Variants in ACBD6 observed in about 807,000 individuals in gnomAD.
The protein encoded by ACBD6 is acyl-CoA-binding domain-containing protein 6.
A neutral mutation model predicts 37.2 loss-of-function variants in ACBD6; 28 were observed. That is an observed-to-expected ratio of 0.75 (90% CI 0.56 to 1.03). ACBD6 has a LOEUF of 1.03. ACBD6 is among the 50% of genes least tolerant of loss of function. The pLI is 0.00. For missense variants in ACBD6, 340 were observed against 337.4 expected (o/e 1.01, Z -0.06); for synonymous variants, 113 against 126.8 (o/e 0.89, Z 0.73).
intron 3 of ACBD6, among the ~76,000 whole-genome samples, chr1:180,472,970 G>C (rs1650625616): frequency 6.6e-6 from 1 of 151,958 alleles, no homozygotes. Flanking sequence ...GAATCTAGTA[G>C]AATACTACTG....
At chr1:180,271,905 A>G in exon 14 of ACBD6, 2 of 1,613,628 alleles carry the variant, frequency 1.2e-6, no homozygotes, top group Non-Finnish European at 1.7e-6. Context: ...CGCTGGGGGC[A>G]GTTCTATAAG....
exon 14 of ACBD6, chr1:180,270,929 G>A: frequency 3.9e-6 from 1 of 259,254 alleles, no homozygotes; most frequent in East Asian, 9.7e-5. Context: ...ACATGGCTGT[G>A]GGGAAATGGG....
At chr1:180,388,737 G>C (rs1222794758) in intron 6 of ACBD6, among the ~76,000 whole-genome samples, 1 of 150,836 alleles carries the variant, frequency 6.6e-6, no homozygotes, top group Non-Finnish European at 1.5e-5. Flanking sequence ...CATCATGCCT[G>C]GCCAAAAATT....
chr1:180,336,755 C>T (rs571930719), intron 6 of ACBD6, among the ~76,000 whole-genome samples: 491 of 152,062 alleles, frequency 3.2e-3, no homozygotes, highest in Non-Finnish European at 5.4e-3. Context: ...TGATAGACTG[C>T]TAGCAAGACT....
chr1:180,428,778 T>C (rs1002300800), intron 4 of ACBD6, among the ~76,000 whole-genome samples: 1 of 152,190 alleles, frequency 6.6e-6, no homozygotes, highest in Non-Finnish European at 1.5e-5. Flanking sequence ...AAACTTAAGC[T>C]TAGTAATTTT....
intron 3 of ACBD6, among the ~76,000 whole-genome samples, chr1:180,471,093 G>A (rs1306408486): frequency 1.3e-5 from 2 of 152,120 alleles, no homozygotes; most frequent in South Asian, 2.1e-4. Flanking sequence ...CCTAAGTGAC[G>A]CAAATAATTG....
At chr1:180,445,941 AT>A (rs1649454596) in intron 3 of ACBD6, among the ~76,000 whole-genome samples, 1 of 152,134 alleles carries the variant, frequency 6.6e-6, no homozygotes, top group African/African-American at 2.4e-5. Flanking sequence ...TCTCCAAGCT[AT>A]TTTGGAAACC....
chr1:180,485,620 A>G (rs1377578987), intron 3 of ACBD6, among the ~76,000 whole-genome samples: 1 of 152,232 alleles, frequency 6.6e-6, no homozygotes, highest in Non-Finnish European at 1.5e-5. Context: ...CACAGGGAGC[A>G]TGGCTCTACT....
chr1:180,475,454 A>G, intron 3 of ACBD6, among the ~76,000 whole-genome samples: 1 of 152,122 alleles, frequency 6.6e-6, no homozygotes, highest in East Asian at 1.9e-4. Flanking sequence ...TGGCATGATC[A>G]GAGTTCACTA....
intron 6 of ACBD6, among the ~76,000 whole-genome samples, chr1:180,337,904 C>T (rs1362885399): frequency 3.3e-5 from 5 of 152,262 alleles, no homozygotes; most frequent in Admixed American, 1.3e-4. Context: ...TTCACAAGTG[C>T]TTCGAAGAGA....
At chr1:180,322,698 T>G (rs1651117730) in intron 6 of ACBD6, among the ~76,000 whole-genome samples, 1 of 151,790 alleles carries the variant, frequency 6.6e-6, no homozygotes, top group African/African-American at 2.4e-5. Context: ...TGGTATTGGC[T>G]GTAATGTCTA....
In ACBD6 at chr1:180,386,537, C is replaced by T. The variant is rs1372194984; in HGVS notation, c.663+10979G>A. On this transcript the variant is annotated intron_variant, in intron 6 of 7. Coordinates refer to ENST00000367595, the MANE Select transcript of ACBD6 (RefSeq NM_032360.4). ...GTAGTTCCACACTCTTTCTCCTCTCCTTCTAGCACTCTGATGACAAAAAAA... is the reference window on the plus strand; with the variant it reads ...GTAGTTCCACACTCTTTCTCCTCTCTTTCTAGCACTCTGATGACAAAAAAA... Among the ~76,000 whole-genome samples the T allele has an allele frequency of 2.6e-5, 4 of 152,178 alleles. No homozygotes were observed. The East Asian group carries it at 7.7e-4, about 29-fold the overall frequency.
intron 3 of ACBD6, chr1:180,434,977 G>C: frequency 1.1e-6 from 1 of 884,058 alleles, no homozygotes; most frequent in Admixed American, 1.7e-5. Flanking sequence ...ACCAAGTACA[G>C]ATGGACTGAG....
chr1:180,325,229 T>TA (rs1281602482), intron 6 of ACBD6, among the ~76,000 whole-genome samples: 1 of 152,170 alleles, frequency 6.6e-6, no homozygotes, highest in Non-Finnish European at 1.5e-5. Flanking sequence ...CAATAACTCT[T>TA]AGATTTGCCC....
At chr1:180,472,712 A>G (rs12039933) in intron 3 of ACBD6, among the ~76,000 whole-genome samples, 14,643 of 152,258 alleles carry the variant, frequency 0.096, 1,015 homozygotes, top group East Asian at 0.36. Flanking sequence ...TGAGTTTACC[A>G]GGAAAAACAC....
At chr1:180,456,801 G>GCAGCCT (rs1342283359) in intron 3 of ACBD6, among the ~76,000 whole-genome samples, 3 of 151,868 alleles carry the variant, frequency 2.0e-5, no homozygotes, top group Non-Finnish European at 2.9e-5. Flanking sequence ...AGGGCTCACT[G>GCAGCCT]CAGCCTCAGC....
At chr1:180,369,472 T>C (rs1653174678) in intron 6 of ACBD6, among the ~76,000 whole-genome samples, 1 of 152,176 alleles carries the variant, frequency 6.6e-6, no homozygotes, top group Non-Finnish European at 1.5e-5. Flanking sequence ...ATAAATTTTA[T>C]ATTTTCGGAA....
At chr1:180,394,195 G>A (rs539568549) in intron 6 of ACBD6, among the ~76,000 whole-genome samples, 1 of 152,232 alleles carries the variant, frequency 6.6e-6, no homozygotes, top group East Asian at 1.9e-4. Context: ...CTGGGCTCAA[G>A]TGATCCTCCC....
At chr1:180,497,411 T>C (rs1216405109) in intron 1 of ACBD6, among the ~76,000 whole-genome samples, 1 of 152,214 alleles carries the variant, frequency 6.6e-6, no homozygotes, top group South Asian at 2.1e-4. Flanking sequence ...GATATACATG[T>C]GGTGATGGTA....
Sources: gnomAD v4.1 joint callset for allele counts (sites outside exome capture counted in the v4.1 genomes callset) on GRCh38, gnomAD v4.1.1 for gene constraint, MANE v1.5 for transcripts, NCBI Gene and HGNC (gene_info 2026-07-23, HGNC 2026-07-21) for gene names.